CDK14: variants seen among roughly 807,000 people sequenced by gnomAD.
CDK14 encodes cyclin-dependent kinase 14.
Under a neutral mutation model 60.7 loss-of-function variants are expected in CDK14, and 34 were observed. The observed-to-expected ratio is 0.56, with a 90% CI of 0.43 to 0.75. The LOEUF is 0.75. Ranked by LOEUF, CDK14 falls within the 30% of genes least tolerant of loss-of-function variation. The pLI, the probability that CDK14 is intolerant of heterozygous loss-of-function variation, is 0.00. For synonymous variants in CDK14, 197 were observed against 203.7 expected, an observed-to-expected ratio of 0.97 and a Z score of 0.28; for missense variants, 482 against 564.1, an observed-to-expected ratio of 0.85 and a Z score of 1.47.
At chr7:90,984,061 T>C (rs1795313195) in intron 9 of CDK14, 87 bp from the exon 10 acceptor site, 6 of 845,716 alleles carry the variant, frequency 7.1e-6, no homozygotes, top group South Asian at 6.8e-5. Flanking sequence ...GCTTCTCTTC[T>C]GTAGGAGTGG....
intron 10 of CDK14, among the ~76,000 whole-genome samples, chr7:91,023,491 T>G (rs1254779400): frequency 2.0e-5 from 3 of 152,236 alleles, no homozygotes; most frequent in Non-Finnish European, 4.4e-5. Context: ...AATAGATTAC[T>G]AAGAATTTTT....
At chr7:90,803,692 T>G (rs978496434) in intron 5 of CDK14, among the ~76,000 whole-genome samples, 3 of 152,108 alleles carry the variant, frequency 2.0e-5, no homozygotes, top group African/African-American at 4.8e-5. Flanking sequence ...AGATAACAGG[T>G]GTTTGTTGTA....
At chr7:91,118,600 C>T (rs746068521) in intron 14 of CDK14, among the ~76,000 whole-genome samples, 2 of 152,182 alleles carry the variant, frequency 1.3e-5, no homozygotes, top group Non-Finnish European at 1.5e-5. Flanking sequence ...GGGGAGATTA[C>T]ACACAAAATC....
chr7:90,837,492 G>T (rs559496265), intron 5 of CDK14, among the ~76,000 whole-genome samples: 1 of 152,092 alleles, frequency 6.6e-6, no homozygotes, highest in Admixed American at 6.5e-5. Context: ...ATTCTAGACA[G>T]CAGAATGATA....
At chr7:90,736,114 C>T (rs73218853) in intron 3 of CDK14, among the ~76,000 whole-genome samples, 22,375 of 151,948 alleles carry the variant, frequency 0.15, 1,813 homozygotes, top group Middle Eastern at 0.25. Flanking sequence ...CTGGGCAAGG[C>T]GATGCCCTAC....
intron 6 of CDK14, among the ~76,000 whole-genome samples, chr7:90,874,511 T>A: frequency 3.1e-5 from 1 of 31,932 alleles, no homozygotes; most frequent in East Asian, 5.6e-4. Context: ...TCCTTTTTTT[T>A]TTTTTTTTTT....
At chr7:90,740,619 T>G (rs1803307280) in intron 3 of CDK14, among the ~76,000 whole-genome samples, 4 of 152,172 alleles carry the variant, frequency 2.6e-5, no homozygotes, top group Non-Finnish European at 1.5e-5. Flanking sequence ...GATCTTGGAC[T>G]TCTAGCTTCC....
intron 2 of CDK14, chr7:90,692,596 A>G (rs1356838532): frequency 3.3e-6 from 2 of 615,028 alleles, no homozygotes; most frequent in African/African-American, 2.0e-5. Context: ...AATGATATGG[A>G]CTAAGAAGAA....
chr7:90,848,399 C>T (rs1177788039), intron 5 of CDK14, among the ~76,000 whole-genome samples: 1 of 152,172 alleles, frequency 6.6e-6, no homozygotes, highest in Non-Finnish European at 1.5e-5. Flanking sequence ...CAGTGCCCAG[C>T]CAGTTTTCTC....
intron 5 of CDK14, among the ~76,000 whole-genome samples, chr7:90,825,138 A>G (rs990954246): frequency 6.6e-6 from 1 of 152,250 alleles, no homozygotes; most frequent in Admixed American, 6.5e-5. Flanking sequence ...AGGATGATGT[A>G]TATAACTAAA....
intron 13 of CDK14, among the ~76,000 whole-genome samples, chr7:91,113,425 T>C (rs1484353277): frequency 6.6e-6 from 1 of 152,216 alleles, no homozygotes; most frequent in South Asian, 2.1e-4. Context: ...TTTTAAATAT[T>C]TGGGGGAGGA....
At chr7:90,681,426 G>C (rs1801315059) in intron 2 of CDK14, among the ~76,000 whole-genome samples, 1 of 152,076 alleles carries the variant, frequency 6.6e-6, no homozygotes, top group South Asian at 2.1e-4. Flanking sequence ...CACTGTAACT[G>C]ACCTCCATTT....
At chr7:91,177,972 T>C (rs1296309071) in intron 14 of CDK14, among the ~76,000 whole-genome samples, 189 of 128,150 alleles carry the variant, frequency 1.5e-3, no homozygotes, top group African/African-American at 4.5e-3. Flanking sequence ...TTAAAGTTCA[T>C]ATGGAACCAA....
intron 8 of CDK14, among the ~76,000 whole-genome samples, chr7:90,954,148 G>T (rs1794338813): frequency 6.6e-6 from 1 of 151,906 alleles, no homozygotes; most frequent in Non-Finnish European, 1.5e-5. Context: ...AAAACTGACT[G>T]GTAGAAAAAA....
At chr7:90,599,331 A>G (rs1184969921) in intron 1 of CDK14, among the ~76,000 whole-genome samples, 1 of 152,248 alleles carries the variant, frequency 6.6e-6, no homozygotes, top group East Asian at 1.9e-4. Flanking sequence ...GATAGAAAGC[A>G]AGAGAAGAGG....
chr7:90,607,162 C>T (rs1799435372), intron 2 of CDK14, among the ~76,000 whole-genome samples: 2 of 152,180 alleles, frequency 1.3e-5, no homozygotes, highest in Admixed American at 6.5e-5. Flanking sequence ...TGCTTATGTA[C>T]ATAGGAACTG....
At position 91,173,429 on chromosome 7, in the gene CDK14, TA is replaced by T. The variant is rs34656228; in HGVS notation, c.*29-33725del. Reference sequence around the variant, plus strand: ...GGCAAAAGAGTAAGACTGCATCTCTTAAAAAAAAAAAGGTGGGGAGGAGCCA... The same window carrying T: ...GGCAAAAGAGTAAGACTGCATCTCTTAAAAAAAAAAGGTGGGGAGGAGCCA... On this transcript the variant is annotated intron_variant, in intron 14 of 14. Transcript: ENST00000380050. Among the ~76,000 whole-genome samples the T allele has an allele frequency of 8.2e-3, 1,193 of 146,038 alleles. 10 individuals carry two copies. The highest frequency in any genetic ancestry group is 0.028 in the African/African-American group (1,093 of 39,684).
intron 4 of CDK14, among the ~76,000 whole-genome samples, chr7:90,770,913 G>GC (rs988167263): frequency 7.9e-5 from 12 of 152,214 alleles, no homozygotes; most frequent in Non-Finnish European, 1.8e-4. Context: ...GTCACCCTTG[G>GC]CCCCCATCCT....
chr7:91,188,192 A>T (rs6974253), intron 14 of CDK14, among the ~76,000 whole-genome samples: 114,788 of 149,742 alleles, frequency 0.77, 43,811 homozygotes, highest in Admixed American at 0.8. Context: ...ATTTTTTTTT[A>T]AAAAAAAAGA....
Sources: gnomAD v4.1 joint callset for allele counts (sites outside exome capture counted in the v4.1 genomes callset) on GRCh38, gnomAD v4.1.1 for gene constraint, MANE v1.5 for transcripts, NCBI Gene and HGNC (gene_info 2026-07-23, HGNC 2026-07-21) for gene names.